The following MGRN1 variants were observed in gnomAD, a reference collection of about 807,000 sequenced individuals.
The protein encoded by MGRN1 is E3 ubiquitin-protein ligase MGRN1.
A neutral mutation model predicts 69.2 loss-of-function variants in MGRN1; 29 were observed. The observed-to-expected ratio is 0.42, with a 90% CI of 0.31 to 0.57. The LOEUF is 0.57. MGRN1 is among the 20% of genes least tolerant of loss of function. The pLI, the probability that MGRN1 is intolerant of heterozygous loss-of-function variation, is 0.15. For missense variants in MGRN1, 998 were observed against 796.2 expected, an observed-to-expected ratio of 1.25 and a Z score of -3.05; for synonymous variants, 470 against 344.2, an observed-to-expected ratio of 1.37 and a Z score of -4.04.
Position 4,682,909 on chromosome 16 carries a change from G to A in MGRN1, c.1445G>A (p.Gly482Asp). 3.1e-6 allele frequency: 5 copies of A among 1,606,516 alleles called. No individual in the cohort carries two copies. Among genetic ancestry groups the A allele is most frequent in the Non-Finnish European group, 3.4e-6 (4 of 1,175,096 alleles). The change falls in exon 14 of 17, where the codon GGC becomes GAC. Residue 482 changes from glycine (G) to aspartate (D), a missense_variant. Coordinates refer to ENST00000262370, the MANE Select transcript of MGRN1 (RefSeq NM_015246.4). ...GTGGACGCCCCTCCCCCACTGGGTG[G>A]CGCAGAGCTGGCCCTGCGGGAAAGC... ...EDVDAPPPLG[G>D]AELALRESSS...
chr16:4,677,623 C>T (rs760108739), intron 11 of MGRN1, 51 bp downstream of exon 11: 2 of 1,553,644 alleles, frequency 1.3e-6, no homozygotes, highest in Non-Finnish European at 8.8e-7. Flanking sequence ...GCATGAGTGC[C>T]TGGGCCAGGC....
At chr16:4,647,119 T>A (rs1439798680) in intron 1 of MGRN1, among the ~76,000 whole-genome samples, 1 of 152,252 alleles carries the variant, frequency 6.6e-6, no homozygotes, top group Non-Finnish European at 1.5e-5. Flanking sequence ...GCCGTGCTGC[T>A]GTGGCCCTTG....
At chr16:4,678,951 G>A (rs1057319342) in intron 11 of MGRN1, among the ~76,000 whole-genome samples, 5 of 152,234 alleles carry the variant, frequency 3.3e-5, no homozygotes, top group Non-Finnish European at 7.3e-5. Flanking sequence ...ATGTTTAAAA[G>A]TCTGGAATTT....
At chr16:4,629,545 C>A (rs934444210) in intron 1 of MGRN1, among the ~76,000 whole-genome samples, 6 of 151,882 alleles carry the variant, frequency 4.0e-5, no homozygotes, top group Non-Finnish European at 8.8e-5. Context: ...TTGAGACCAT[C>A]CTGGCCAACA....
chr16:4,674,444 A>T (rs1460825219), intron 10 of MGRN1, among the ~76,000 whole-genome samples: 1 of 149,526 alleles, frequency 6.7e-6, no homozygotes, highest in East Asian at 2.0e-4. Flanking sequence ...CTGCACCACC[A>T]TGCCTGGCTA....
chr16:4,624,959 C>T lies in MGRN1; in HGVS notation c.-2C>T, dbSNP rs1423090612. 1.3e-6 allele frequency: 2 copies of T among 1,546,816 alleles called. No homozygotes were observed. Among genetic ancestry groups the T allele is most frequent in the Non-Finnish European group, 1.7e-6 (2 of 1,149,626 alleles). ...CCCCTCTGCCCGGCAGCGCCGCGCA[C>T]CATGGGCTCCATTCTCAGCCGCCGC... On this transcript the variant is annotated 5_prime_UTR_variant, in exon 1 of 17. Coordinates refer to ENST00000262370, the MANE Select transcript of MGRN1 (RefSeq NM_015246.4).
rs546244945 is a variant in MGRN1, at chr16:4,627,807, G to A, written c.88+2759G>A. On this transcript the variant is annotated intron_variant, in intron 1 of 16. Coordinates refer to ENST00000262370, the MANE Select transcript of MGRN1 (RefSeq NM_015246.4). ...TCCGTCTCAAAAAAAAAGGCTGGGCGCGGTGGTTCACGCCTGTAATCCCAG... is the reference window on the plus strand; with the variant it reads ...TCCGTCTCAAAAAAAAAGGCTGGGCACGGTGGTTCACGCCTGTAATCCCAG... Among the ~76,000 whole-genome samples, 6 of 148,240 alleles carry A rather than the reference G, an allele frequency of 4.0e-5. No individual in the cohort carries two copies. In the East Asian group the frequency reaches 6.0e-4, roughly 15 times the overall value.
rs2141997031 is a variant in MGRN1, at chr16:4,689,555, C to T, written c.*647C>T. The T allele has an allele frequency of 6.6e-6, 1 of 152,602 alleles. No individual in the cohort carries two copies. The highest frequency in any genetic ancestry group is 2.4e-5 in the African/African-American group (1 of 41,594). 9.5% of individuals were successfully genotyped at this position (152,602 alleles called of 1,614,324 possible). A position where few individuals can be genotyped will look rare whatever the true frequency, so the allele number is the denominator to read the frequency against. On this transcript the variant is annotated 3_prime_UTR_variant, in exon 17 of 17. Coordinates refer to ENST00000262370, the MANE Select transcript of MGRN1 (RefSeq NM_015246.4). ...AGAGTGTCTCAGCCCGGTGCTGGGC[C>T]TGGCCGAGGGGCGGAGGCACAGCTG...
chr16:4,642,942 G>A (rs145835390), intron 1 of MGRN1, among the ~76,000 whole-genome samples: 28 of 150,440 alleles, frequency 1.9e-4, no homozygotes, highest in African/African-American at 6.4e-4. Context: ...ACGCATCACC[G>A]TGCTAGCTAA....
intron 1 of MGRN1, among the ~76,000 whole-genome samples, chr16:4,638,390 G>C (rs562747068): frequency 1.3e-5 from 2 of 152,174 alleles, no homozygotes; most frequent in East Asian, 3.9e-4. Flanking sequence ...ACCTGAACCC[G>C]GGAGGCAGAG....
chr16:4,630,622 A>AT (rs1175450248), intron 1 of MGRN1, among the ~76,000 whole-genome samples: 2 of 151,372 alleles, frequency 1.3e-5, no homozygotes, highest in African/African-American at 2.4e-5. Flanking sequence ...TAATTTTTGG[A>AT]TTTTTTAGTA....
At chr16:4,665,493 C>G (rs952430288) in intron 7 of MGRN1, among the ~76,000 whole-genome samples, 1 of 151,176 alleles carries the variant, frequency 6.6e-6, no homozygotes, top group Non-Finnish European at 1.5e-5. Flanking sequence ...CTCAACCTCC[C>G]GAGTACCTGG....
chr16:4,668,826 A>T (rs558521558), intron 8 of MGRN1, among the ~76,000 whole-genome samples: 1 of 152,250 alleles, frequency 6.6e-6, no homozygotes, highest in African/African-American at 2.4e-5. Flanking sequence ...ACACACTCAT[A>T]CACATACCCA....
intron 16 of MGRN1, chr16:4,688,549 A>G (rs1331034799): frequency 1.3e-5 from 17 of 1,265,600 alleles, no homozygotes; most frequent in Non-Finnish European, 1.6e-5. Flanking sequence ...TCGGGGCTGC[A>G]GATCTGCTGT....
intron 13 of MGRN1, among the ~76,000 whole-genome samples, chr16:4,682,518 C>T (rs1171632332): frequency 1.3e-5 from 2 of 152,234 alleles, no homozygotes; most frequent in African/African-American, 4.8e-5. Flanking sequence ...GCCTCTGTCT[C>T]CTGCTGCTTC....
At position 4,673,622 on chromosome 16, in the gene MGRN1, G is replaced by A. The variant is rs777827864; in HGVS notation, c.920G>A (p.Arg307His). The A allele has an allele frequency of 5.6e-6, 9 of 1,613,558 alleles. No homozygotes were observed. Among genetic ancestry groups the A allele is most frequent in the South Asian group, 1.1e-5 (1 of 91,066 alleles). ...TGTACCTCCTGCGCCGACACGCTGCGCTACCAGGCCAACAACTGCCCCATC... is the reference window on the plus strand; with the variant it reads ...TGTACCTCCTGCGCCGACACGCTGCACTACCAGGCCAACAACTGCCCCATC... Reference protein sequence around the residue: ...CLCTSCADTLRYQANNCPICR... With the variant: ...CLCTSCADTLHYQANNCPICR... The change falls in exon 10 of 17, where the codon CGC (arginine) becomes CAC (histidine). Residue 307 changes from arginine to histidine, a missense_variant. Coordinates refer to ENST00000262370, the MANE Select transcript of MGRN1 (RefSeq NM_015246.4).
At position 4,688,976 on chromosome 16, in the gene MGRN1, C is replaced by T; in HGVS notation, c.*68C>T. Reference sequence around the variant, plus strand: ...ACTTTGCCGAGGGGCTGCTCCGGACCCCGTTGTGAGCCGGCCTCCTGTCTG... The same window carrying T: ...ACTTTGCCGAGGGGCTGCTCCGGACTCCGTTGTGAGCCGGCCTCCTGTCTG... On this transcript the variant is annotated 3_prime_UTR_variant, in exon 17 of 17. Transcript: ENST00000262370. 1 of 1,470,856 alleles carries T rather than the reference C, an allele frequency of 6.8e-7. No individual in the cohort carries two copies. Among genetic ancestry groups the T allele is most frequent in the Admixed American group, 2.3e-5 (1 of 42,886 alleles). The allele number at this position is 1,470,856 out of a possible 1,614,324, so 91.1% of individuals were successfully genotyped here. A position where few individuals can be genotyped will look rare whatever the true frequency, so the allele number is the denominator to read the frequency against.
At chr16:4,664,442 C>T (rs1009802639) in intron 5 of MGRN1, 5 of 498,700 alleles carry the variant, frequency 1.0e-5, no homozygotes, top group African/African-American at 9.7e-5. Flanking sequence ...TGGATGGTGG[C>T]GGTTGCATGA....
chr16:4,667,144 G>A (rs560048419), intron 7 of MGRN1, among the ~76,000 whole-genome samples: 2 of 152,234 alleles, frequency 1.3e-5, no homozygotes, highest in South Asian at 4.1e-4. Context: ...GCTTCACGCT[G>A]CCTCTGGGTC....
Sources: allele counts gnomAD v4.1 joint callset (sites outside exome capture counted in the v4.1 genomes callset), GRCh38; gene constraint gnomAD v4.1.1; transcripts MANE v1.5; gene names NCBI Gene and HGNC (gene_info 2026-07-23, HGNC 2026-07-21).